Variants in EXOC6B observed in about 807,000 individuals in gnomAD.
EXOC6B encodes exocyst complex component 6B.
EXOC6B carries 54 observed loss-of-function variants against 113.5 expected under a neutral mutation model. The observed-to-expected ratio is 0.48, with a 90% CI of 0.38 to 0.60. The LOEUF (loss-of-function observed/expected upper bound fraction) is 0.60, where lower values mean the gene tolerates loss of function less well. Ranked by LOEUF, EXOC6B falls within the 20% of genes least tolerant of loss-of-function variation. The probability of loss-of-function intolerance (pLI) is 0.00; values close to 1 mark genes in which losing one functional copy is unlikely to be tolerated. For synonymous variants in EXOC6B, 357 were observed against 339.0 expected (o/e 1.05, Z -0.58); for missense variants, 797 against 977.5 (o/e 0.82, Z 2.46).
At chr2:72,234,684 G>A (rs369585577) in intron 20 of EXOC6B, among the ~76,000 whole-genome samples, 9 of 152,030 alleles carry the variant, frequency 5.9e-5, no homozygotes, top group African/African-American at 1.9e-4. Context: ...CTATTATCCA[G>A]AATCTATAGG....
intron 1 of EXOC6B, among the ~76,000 whole-genome samples, chr2:72,744,925 T>C (rs2104828871): frequency 6.6e-6 from 1 of 152,296 alleles, no homozygotes; most frequent in African/African-American, 2.4e-5. Context: ...TGCCTGACTA[T>C]GTGGCCTTCA....
chr2:72,659,910 T>A (rs1186250225), intron 6 of EXOC6B, among the ~76,000 whole-genome samples: 1 of 152,140 alleles, frequency 6.6e-6, no homozygotes, highest in Non-Finnish European at 1.5e-5. Context: ...CCTAAGGTAT[T>A]TGTAATGTTA....
At chr2:72,446,677 C>G (rs551146513) in intron 18 of EXOC6B, among the ~76,000 whole-genome samples, 55 of 152,238 alleles carry the variant, frequency 3.6e-4, no homozygotes, top group Non-Finnish European at 6.2e-4. Flanking sequence ...GGGTACTAGG[C>G]TTAATACCTG....
intron 17 of EXOC6B, among the ~76,000 whole-genome samples, chr2:72,475,281 C>A (rs1337446936): frequency 6.6e-6 from 1 of 152,084 alleles, no homozygotes; most frequent in African/African-American, 2.4e-5. Flanking sequence ...TGGGGATGTT[C>A]TTGAACCCCT....
chr2:72,680,239 GA>G (rs1425059237), intron 6 of EXOC6B, among the ~76,000 whole-genome samples: 1 of 152,214 alleles, frequency 6.6e-6, no homozygotes, highest in Non-Finnish European at 1.5e-5. Context: ...CATAGGCTCT[GA>G]AGTATGGCTG....
chr2:72,748,767 G>A (rs2104843921), intron 1 of EXOC6B, among the ~76,000 whole-genome samples: 1 of 152,126 alleles, frequency 6.6e-6, no homozygotes, highest in Middle Eastern at 3.4e-3. Context: ...TAAAAGCAGG[G>A]TGGAGCAGCT....
intron 16 of EXOC6B, among the ~76,000 whole-genome samples, chr2:72,481,619 T>C (rs1408070929): frequency 6.6e-6 from 1 of 152,222 alleles, no homozygotes; most frequent in Non-Finnish European, 1.5e-5. Flanking sequence ...AAAGTGAAAG[T>C]AACCAGGGAA....
chr2:72,803,513 A>G (rs1685413891), intron 1 of EXOC6B, among the ~76,000 whole-genome samples: 1 of 152,194 alleles, frequency 6.6e-6, no homozygotes, highest in Non-Finnish European at 1.5e-5. Flanking sequence ...AACTAAACAC[A>G]TCAAAAATGA....
At chr2:72,678,806 C>A (rs1360539620) in intron 6 of EXOC6B, among the ~76,000 whole-genome samples, 1 of 152,186 alleles carries the variant, frequency 6.6e-6, no homozygotes, top group South Asian at 2.1e-4. Flanking sequence ...TGTATGCATG[C>A]ACACATCAAA....
intron 18 of EXOC6B, among the ~76,000 whole-genome samples, chr2:72,452,244 C>A (rs1696962508): frequency 6.6e-6 from 1 of 152,112 alleles, no homozygotes; most frequent in African/African-American, 2.4e-5. Flanking sequence ...AAATAGTCAT[C>A]TGAGTTGGAG....
intron 5 of EXOC6B, among the ~76,000 whole-genome samples, chr2:72,727,175 T>A (rs940363044): frequency 3.3e-5 from 5 of 152,040 alleles, no homozygotes; most frequent in African/African-American, 1.2e-4. Flanking sequence ...AATATAGAAA[T>A]TGATTTTTTA....
At chr2:72,495,376 T>C in intron 15 of EXOC6B, 54 bp downstream of exon 15, 1 of 984,230 alleles carries the variant, frequency 1.0e-6, no homozygotes, top group Non-Finnish European at 1.5e-6. Flanking sequence ...AATATGTAAA[T>C]ACATGGAGTC....
chr2:72,213,389 A>G (rs1680318416), intron 20 of EXOC6B, among the ~76,000 whole-genome samples: 1 of 125,138 alleles, frequency 8.0e-6, no homozygotes, highest in African/African-American at 2.6e-5. Context: ...ATGTAATAAA[A>G]AATAAACAGG....
At chr2:72,412,956 C>G (rs1558643909) in intron 18 of EXOC6B, among the ~76,000 whole-genome samples, 1 of 151,394 alleles carries the variant, frequency 6.6e-6, no homozygotes, top group Non-Finnish European at 1.5e-5. Flanking sequence ...CTCTCCCTCT[C>G]TCTTTCTTTC....
intron 1 of EXOC6B, among the ~76,000 whole-genome samples, chr2:72,778,056 T>C (rs915764270): frequency 2.0e-5 from 3 of 151,986 alleles, no homozygotes; most frequent in Admixed American, 1.3e-4. Flanking sequence ...ACAAAATAAA[T>C]AGCAAAATGG....
chr2:72,201,858 C>CAGTTCAAGGAAGTTCAATTA (rs1189276986), intron 20 of EXOC6B, among the ~76,000 whole-genome samples: 1 of 152,106 alleles, frequency 6.6e-6, no homozygotes, highest in Non-Finnish European at 1.5e-5. Flanking sequence ...TTACATTTTC[C>CAGTTCAAGGAAGTTCAATTA]TTGAACTTCA....
intron 6 of EXOC6B, among the ~76,000 whole-genome samples, chr2:72,604,487 A>G (rs1248155372): frequency 6.6e-6 from 1 of 152,220 alleles, no homozygotes; most frequent in Non-Finnish European, 1.5e-5. Flanking sequence ...TTTTATTTAA[A>G]TTCAAAAACT....
intron 8 of EXOC6B, among the ~76,000 whole-genome samples, chr2:72,535,928 G>C (rs1702265660): frequency 6.6e-6 from 1 of 151,664 alleles, no homozygotes; most frequent in South Asian, 2.1e-4. Context: ...TGGAAATTCT[G>C]TCAAGATGTT....
At chr2:72,721,636 C>CA (rs1007117066) in intron 5 of EXOC6B, among the ~76,000 whole-genome samples, 13 of 150,548 alleles carry the variant, frequency 8.6e-5, no homozygotes, top group South Asian at 4.2e-4. Flanking sequence ...CATTTCCAAA[C>CA]AAAAAAAAGA....
Sources: gnomAD v4.1 joint callset for allele counts (sites outside exome capture counted in the v4.1 genomes callset) on GRCh38, gnomAD v4.1.1 for gene constraint, MANE v1.5 for transcripts, NCBI Gene and HGNC (gene_info 2026-07-23, HGNC 2026-07-21) for gene names.